The following DPP7 variants were observed in gnomAD, a reference collection of about 807,000 sequenced individuals.
The protein encoded by DPP7 is dipeptidyl peptidase 7, also known as dipeptidyl peptidase 2.
Under a neutral mutation model 58.8 loss-of-function variants are expected in DPP7, and 74 were observed. The ratio of observed to expected loss-of-function variants is 1.26; its 90% CI spans 1.04 to 1.53. The LOEUF (loss-of-function observed/expected upper bound fraction) is 1.53. Among genes scored for constraint, DPP7 ranks in the 40% most tolerant of loss-of-function variants. The pLI, the probability that DPP7 is intolerant of heterozygous loss-of-function variation, is 0.00. For synonymous variants in DPP7, 350 were observed against 303.6 expected, an observed-to-expected ratio of 1.15 and a Z score of -1.59; for missense variants, 807 against 692.3, an observed-to-expected ratio of 1.17 and a Z score of -1.86.
At chr9:137,113,591 A>ACTT in intron 4 of DPP7, 95 bp from the exon 5 acceptor site, 1 of 1,456,866 alleles carries the variant, frequency 6.9e-7, no homozygotes, top group African/African-American at 1.4e-5. Flanking sequence ...GGAGGACGAC[A>ACTT]CTTCTGAGAC....
At chr9:137,116,603 A>G (rs1203037911), upstream of DPP7, among the ~76,000 whole-genome samples, 1 of 152,196 alleles carries the variant, frequency 6.6e-6, no homozygotes, top group Non-Finnish European at 1.5e-5. Flanking sequence ...GTTTCCCCCC[A>G]GTGAGACGGC....
At chr9:137,112,439 C>A (rs931412968) in intron 8 of DPP7, 5 of 626,414 alleles carry the variant, frequency 8.0e-6, no homozygotes, top group African/African-American at 1.8e-5. Flanking sequence ...GAGGGCCCCC[C>A]CGCTCTCCAC....
chr9:137,112,109 C>A lies in DPP7; in HGVS notation c.1050+3G>T. ...TGGTTCCAGGCCACCCACACCCCCA[C>A]ACCTGGTAGTCCCAGGCCCTGGCGT... is the stretch of plus-strand genomic sequence containing the variant. On this transcript the variant is annotated splice_donor_region_variant and intron_variant, in intron 9 of 12. Transcript: ENST00000371579. The A allele has an allele frequency of 6.2e-7, 1 of 1,611,898 alleles. No homozygotes were observed. Among genetic ancestry groups the A allele is most frequent in the Non-Finnish European group, 8.5e-7 (1 of 1,179,548 alleles).
chr9:137,113,110 G>C lies in DPP7; in HGVS notation c.713C>G (p.Thr238Arg), dbSNP rs775299484. ...GCAGGTGCCGAACTCCCAGCGGACC[G>C]TGTCGTAGGCTGCGTGGAAGGGGCA... Reference protein sequence around the residue: ...KDLFLQGAYDTVRWEFGTCQP... With the variant: ...KDLFLQGAYDRVRWEFGTCQP... Residue 238 changes from threonine (T) to arginine (R), a missense_variant, in exon 7 of 13, where the codon ACG (threonine) becomes AGG (arginine). Coordinates refer to ENST00000371579, the MANE Select transcript of DPP7 (RefSeq NM_013379.3). 3.7e-6 allele frequency: 6 copies of C among 1,613,730 alleles called. No homozygotes were observed. The South Asian group carries it at 6.6e-5, about 18-fold the overall frequency.
chr9:137,111,090 G>A (rs555424871), intron 11 of DPP7, 140 bp from the exon 12 acceptor site: 13 of 864,998 alleles, frequency 1.5e-5, no homozygotes, highest in South Asian at 6.1e-5. Context: ...AGCCAGAGAC[G>A]GAGGTGGGAA....
At chr9:137,115,749 G>A (rs1034677978), upstream of DPP7, among the ~76,000 whole-genome samples, 1 of 152,096 alleles carries the variant, frequency 6.6e-6, no homozygotes, top group Non-Finnish European at 1.5e-5. Flanking sequence ...CAGCATGGTG[G>A]CAGTGACCAT....
chr9:137,112,363 AG>A, intron 8 of DPP7, 133 bp from the exon 9 acceptor site: 1 of 738,978 alleles, frequency 1.4e-6, no homozygotes, highest in Non-Finnish European at 2.2e-6. Context: ...CCAGTGAGGA[AG>A]GCCCTCCAGG....
intron 8 of DPP7, 75 bp downstream of exon 8, chr9:137,112,670 G>A (rs763324760): frequency 1.4e-4 from 218 of 1,513,188 alleles, no homozygotes; most frequent in Non-Finnish European, 1.8e-4. Context: ...GCGGATCCTC[G>A]CCCCACCCGG....
intron 3 of DPP7, 44 bp from the exon 4 acceptor site, chr9:137,114,072 G>C: frequency 8.2e-7 from 1 of 1,224,884 alleles, no homozygotes; most frequent in African/African-American, 1.6e-5. Flanking sequence ...ACCCCGCCCG[G>C]CACCCGCGTG....
In DPP7 at chr9:137,112,572, G is replaced by A. The variant is rs1831424363; in HGVS notation, c.931+173C>T. ...AGTGCTGAGAGGGTCCCCAGGGACG[G>A]CCCCTGCCTCCCCCAGGGTTTCTGG... On this transcript the variant is annotated intron_variant, in intron 8 of 12. Transcript: ENST00000371579. 2.4e-5 allele frequency: 20 copies of A among 830,390 alleles called. No individual in the cohort carries two copies. The South Asian group carries it at 3.5e-4, about 15-fold the overall frequency. The allele number at this position is 830,390 out of a possible 1,614,324, so 51.4% of individuals were successfully genotyped here.
rs1480638737 is a variant in DPP7 at position 137,112,115 on chromosome 9, G to A, written c.1047C>T (p.Tyr349=). The change falls in exon 9 of 13, where the codon TAC becomes TAT. Residue 349 remains tyrosine (Y), a synonymous_variant. Transcript: ENST00000371579. ...CAGGCCACCCACACCCCCACACCTG[G>A]TAGTCCCAGGCCCTGGCGTCGGGGC... is the stretch of plus-strand genomic sequence containing the variant. ...GTGPDARAWD[Y]QACTEINLTF... 1.2e-6 allele frequency: 2 copies of A among 1,611,778 alleles called. No homozygotes were observed. Among genetic ancestry groups the A allele is most frequent in the South Asian group, 2.2e-5 (2 of 91,026 alleles).
rs749170932 is a variant in DPP7, at chr9:137,114,665, G to A, written c.49C>T (p.Arg17Cys). 2.1e-5 allele frequency: 29 copies of A among 1,363,698 alleles called. No individual in the cohort carries two copies. The highest frequency in any genetic ancestry group is 2.4e-5 in the Non-Finnish European group (25 of 1,059,834). The allele number at this position is 1,363,698 out of a possible 1,614,324, so 84.5% of individuals were successfully genotyped here. ...CACTCACCCCCCGCCTGGAGGCCGC[G>A]CAGCCCGAGCGCCAGCAGCAGGACC... is the stretch of plus-strand genomic sequence containing the variant. The part of the protein sequence containing the change: ...APVLLLALGL[R>C]GLQAGARRAP... Residue 17 changes from arginine (R) to cysteine (C), a missense_variant, in exon 1 of 13, where the codon CGC becomes TGC. Around this residue, in one of 3 missense-constraint regions of DPP7, gnomAD observed 168 missense variants for 124.1 expected, o/e 1.35. Coordinates refer to ENST00000371579, the MANE Select transcript of DPP7 (RefSeq NM_013379.3).
Position 137,110,785 on chromosome 9 carries a change from T to G in DPP7, c.1344-2A>C. ...GCAGGATCTTCTGGGTGGGAGGCTCTGGGGAGCGGGCACAGAGGGGGCCCG... is the reference window on the plus strand; with the variant it reads ...GCAGGATCTTCTGGGTGGGAGGCTCGGGGGAGCGGGCACAGAGGGGGCCCG... On this transcript the variant is annotated splice_acceptor_variant, in intron 12 of 12. Coordinates refer to ENST00000371579, the MANE Select transcript of DPP7 (RefSeq NM_013379.3). LOFTEE classifies it high-confidence loss of function. 6.2e-7 allele frequency: 1 copy of G among 1,604,160 alleles called. No individual in the cohort carries two copies. Among genetic ancestry groups the G allele is most frequent in the African/African-American group, 1.3e-5 (1 of 74,988 alleles).
At chr9:137,112,354 C>T (rs1185776316) in intron 8 of DPP7, 124 bp from the exon 9 acceptor site, 2 of 822,374 alleles carry the variant, frequency 2.4e-6, no homozygotes, top group Non-Finnish European at 3.7e-6. Flanking sequence ...CTGTAGGTCC[C>T]AGTGAGGAAG....
chr9:137,111,379 C>A (rs201474515), intron 11 of DPP7, among the ~76,000 whole-genome samples: 1 of 149,466 alleles, frequency 6.7e-6, no homozygotes, highest in African/African-American at 2.5e-5. Flanking sequence ...AGGGTAGGGG[C>A]AGGCGAGGGG....
upstream of DPP7, among the ~76,000 whole-genome samples, chr9:137,115,930 C>T (rs868055623): frequency 6.6e-5 from 10 of 152,114 alleles, no homozygotes; most frequent in Non-Finnish European, 1.5e-4. Context: ...AGGTACCCCA[C>T]GGCGTCCCCC....
upstream of DPP7, chr9:137,114,822 C>T (rs886334285): frequency 5.1e-5 from 39 of 758,076 alleles, no homozygotes; most frequent in Non-Finnish European, 6.2e-5. Context: ...CCACGGAGAC[C>T]GTCGCTGCTT....
chr9:137,110,802 G>C lies in DPP7; in HGVS notation c.1344-19C>G. ...GGAGGCTCTGGGGAGCGGGCACAGA[G>C]GGGGCCCGTCAGCCCCAGCCCTCGG... On this transcript the variant is annotated intron_variant, in intron 12 of 12. Coordinates refer to ENST00000371579, the MANE Select transcript of DPP7 (RefSeq NM_013379.3). The C allele has an allele frequency of 1.2e-6, 2 of 1,602,608 alleles. No homozygotes were observed. Among genetic ancestry groups the C allele is most frequent in the Non-Finnish European group, 1.7e-6 (2 of 1,178,692 alleles).
At position 137,113,081 on chromosome 9, in the gene DPP7, G is replaced by T. The variant is rs1298195596; in HGVS notation, c.742C>A (p.Pro248Thr). ...GTCAGGTCCTTCTCGTCTGACAGCG[G>T]CTGGCAGGTGCCGAACTCCCAGCGG... is the stretch of plus-strand genomic sequence containing the variant. ...TVRWEFGTCQ[P>T]LSDEKDLTQL... Residue 248 changes from proline to threonine, a missense_variant, in exon 7 of 13, where the codon CCG becomes ACG. Around this residue, in one of 3 missense-constraint regions of DPP7, gnomAD observed 624 missense variants for 531.2 expected, o/e 1.17. Coordinates refer to ENST00000371579, the MANE Select transcript of DPP7 (RefSeq NM_013379.3). 6.2e-7 allele frequency: 1 copy of T among 1,613,846 alleles called. No individual in the cohort carries two copies. The highest frequency in any genetic ancestry group is 8.5e-7 in the Non-Finnish European group (1 of 1,180,024).
Sources: gnomAD v4.1 joint callset for allele counts (sites outside exome capture counted in the v4.1 genomes callset) on GRCh38, gnomAD v4.1.1 for gene constraint, gnomAD v4.1.1 regional missense constraint, MANE v1.5 for transcripts, NCBI Gene and HGNC (gene_info 2026-07-23, HGNC 2026-07-21) for gene names.